UGGT2: variants seen among roughly 807,000 people sequenced by gnomAD.
The protein encoded by UGGT2 is UDP-glucose:glycoprotein glucosyltransferase 2.
A neutral mutation model predicts 192.1 loss-of-function variants in UGGT2; 180 were observed. That is an observed-to-expected ratio of 0.94 (90% CI 0.83 to 1.06). The LOEUF (loss-of-function observed/expected upper bound fraction) is 1.06, where lower values mean the gene tolerates loss of function less well. UGGT2 is among the 50% of genes least tolerant of loss of function. The pLI, the probability that UGGT2 is intolerant of heterozygous loss-of-function variation, is 0.00. For missense variants in UGGT2, 1,849 were observed against 1,795.7 expected (o/e 1.03, Z -0.54); for synonymous variants, 580 against 591.0 (o/e 0.98, Z 0.27).
At chr13:95,964,276 TG>T (rs999858178) in intron 12 of UGGT2, among the ~76,000 whole-genome samples, 18 of 152,126 alleles carry the variant, frequency 1.2e-4, no homozygotes, top group African/African-American at 3.6e-4. Context: ...TGCAGAATAA[TG>T]AAGCTAGACC....
At chr13:95,996,156 C>A (rs1566807426) in intron 6 of UGGT2, 21 bp from the exon 7 acceptor site, 2 of 1,565,230 alleles carry the variant, frequency 1.3e-6, no homozygotes, top group African/African-American at 2.8e-5. Flanking sequence ...GAAACAAAAC[C>A]AAAAAACAAC....
At chr13:95,946,855 T>C (rs549425377) in intron 15 of UGGT2, among the ~76,000 whole-genome samples, 182 bp downstream of exon 15, 11 of 152,334 alleles carry the variant, frequency 7.2e-5, no homozygotes, top group African/African-American at 2.6e-4. Flanking sequence ...GAGGATAATA[T>C]GTACTTCAGA....
chr13:95,913,948 A>C (rs1484841477), intron 20 of UGGT2, among the ~76,000 whole-genome samples: 1 of 152,200 alleles, frequency 6.6e-6, no homozygotes, highest in Non-Finnish European at 1.5e-5. Context: ...GACATGGATG[A>C]AGCTGGAAAC....
At chr13:95,866,513 A>C (rs1225202464) in intron 30 of UGGT2, among the ~76,000 whole-genome samples, 1 of 152,198 alleles carries the variant, frequency 6.6e-6, no homozygotes, top group Non-Finnish European at 1.5e-5. Context: ...ATCTGGAAGA[A>C]TATTAGTACC....
intron 31 of UGGT2, among the ~76,000 whole-genome samples, chr13:95,862,883 G>T (rs1594176777): frequency 6.6e-6 from 1 of 152,026 alleles, no homozygotes; most frequent in East Asian, 1.9e-4. Context: ...TCTTTTTCGA[G>T]ACAGGGTCTC....
chr13:95,863,450 ATC>A, intron 31 of UGGT2, 177 bp downstream of exon 31: 1 of 530,990 alleles, frequency 1.9e-6, no homozygotes, highest in Non-Finnish European at 3.3e-6. Context: ...TTTTATTTTC[ATC>A]TGTCTTATAG....
At chr13:95,983,647 A>C (rs551363401) in intron 10 of UGGT2, 157 bp downstream of exon 10, 13 of 680,714 alleles carry the variant, frequency 1.9e-5, no homozygotes, top group South Asian at 1.8e-4. Flanking sequence ...TTAAATGCTC[A>C]TATAGTCCAC....
chr13:95,973,960 G>A (rs1283937461), intron 10 of UGGT2, among the ~76,000 whole-genome samples: 1 of 152,086 alleles, frequency 6.6e-6, no homozygotes, highest in African/African-American at 2.4e-5. Context: ...ATATTTAGGA[G>A]GAAAAACAAC....
chr13:96,018,852 T>G (rs965755195), intron 4 of UGGT2, among the ~76,000 whole-genome samples: 2 of 150,566 alleles, frequency 1.3e-5, no homozygotes, highest in Non-Finnish European at 3.0e-5. Flanking sequence ...AATTTATCAG[T>G]CATTTCTTTA....
intron 37 of UGGT2, among the ~76,000 whole-genome samples, chr13:95,834,347 G>A (rs1887054268): frequency 6.6e-6 from 1 of 151,924 alleles, no homozygotes; most frequent in Non-Finnish European, 1.5e-5. Flanking sequence ...TGATGGCCGG[G>A]GAGTGGTGGG....
rs1185622515 is a variant in UGGT2, at chr13:95,940,161, T to G, written c.1678-70A>C. The G allele has an allele frequency of 3.3e-6, 4 of 1,202,580 alleles. No individual in the cohort carries two copies. The Admixed American group carries it at 1.2e-4, about 36-fold the overall frequency. 74.5% of individuals were successfully genotyped at this position (1,202,580 alleles called of 1,614,324 possible). On this transcript the variant is annotated intron_variant, in intron 15 of 38. Coordinates refer to ENST00000376747, the MANE Select transcript of UGGT2 (RefSeq NM_020121.4). ...TTAGTTTTCTTTTTTTTCCTTAGCA[T>G]GCAGATAGATTTTTATTTTGTAAGT...
At chr13:95,818,371 T>G (rs1885133109) in intron 38 of UGGT2, among the ~76,000 whole-genome samples, 1 of 152,226 alleles carries the variant, frequency 6.6e-6, no homozygotes, top group Non-Finnish European at 1.5e-5. Flanking sequence ...GGCGGCAGCT[T>G]ATTTGTGAAT....
At chr13:95,977,455 C>A (rs764686695) in intron 10 of UGGT2, among the ~76,000 whole-genome samples, 7 of 152,204 alleles carry the variant, frequency 4.6e-5, no homozygotes, top group Non-Finnish European at 7.4e-5. Context: ...AAAAAAAGTT[C>A]ATTATCACTA....
At chr13:95,979,170 G>C (rs1292072325) in intron 10 of UGGT2, among the ~76,000 whole-genome samples, 1 of 152,092 alleles carries the variant, frequency 6.6e-6, no homozygotes, top group Admixed American at 6.6e-5. Context: ...GACGTATGTT[G>C]GGTTGACAAT....
intron 10 of UGGT2, among the ~76,000 whole-genome samples, chr13:95,975,562 G>C (rs2140817674): frequency 6.6e-6 from 1 of 152,216 alleles, no homozygotes; most frequent in East Asian, 1.9e-4. Flanking sequence ...TCTTAGGCTT[G>C]AGCAGAAATA....
At chr13:95,929,059 C>T (rs9561987) in intron 17 of UGGT2, among the ~76,000 whole-genome samples, 55,126 of 151,626 alleles carry the variant, frequency 0.36, 10,314 homozygotes, top group Middle Eastern at 0.41. Context: ...TCAGGCGTGG[C>T]GGCGCGCGCC....
chr13:95,841,171 C>T (rs1198878561), intron 36 of UGGT2, among the ~76,000 whole-genome samples: 1 of 152,148 alleles, frequency 6.6e-6, no homozygotes, highest in Admixed American at 6.5e-5. Flanking sequence ...ACCTACGTAA[C>T]AAACCTGCAC....
Position 95,895,276 on chromosome 13 carries a change from T to TA in UGGT2, c.2662dup (p.Tyr888LeufsTer14), listed in dbSNP as rs2047915396. ...TTCCAACAAGTAAAAATCTTCTGCA[T>TA]AAAAATCTTCATCTAAAGGTCCTAA... On this transcript the variant is annotated frameshift_variant, in exon 23 of 39. Coordinates refer to ENST00000376747, the MANE Select transcript of UGGT2 (RefSeq NM_020121.4). LOFTEE classifies it high-confidence loss of function. 6.6e-7 allele frequency: 1 copy of TA among 1,524,752 alleles called. No homozygotes were observed. The highest frequency in any genetic ancestry group is 8.9e-7 in the Non-Finnish European group (1 of 1,122,092). 94.5% of individuals were successfully genotyped at this position (1,524,752 alleles called of 1,614,324 possible). A position where few individuals can be genotyped will look rare whatever the true frequency, so the allele number is the denominator to read the frequency against.
chr13:95,902,188 AC>A (rs1303383132), intron 21 of UGGT2, among the ~76,000 whole-genome samples: 1 of 152,136 alleles, frequency 6.6e-6, no homozygotes, highest in Admixed American at 6.6e-5. Flanking sequence ...CTCAGCAATG[AC>A]CAGAAATCTT....
Sources: allele counts gnomAD v4.1 joint callset (sites outside exome capture counted in the v4.1 genomes callset), GRCh38; gene constraint gnomAD v4.1.1; transcripts MANE v1.5; gene names NCBI Gene and HGNC (gene_info 2026-07-23, HGNC 2026-07-21).